Variants in RCC1 observed in about 807,000 individuals in gnomAD.
RCC1 encodes the protein regulator of chromosome condensation 1, also known as regulator of chromosome condensation.
Under a neutral mutation model 44.4 loss-of-function variants are expected in RCC1, and 11 were observed. The observed-to-expected ratio is 0.25, with a 90% CI of 0.16 to 0.41. RCC1 has a LOEUF of 0.41. Among genes scored for constraint, RCC1 ranks in the 10% least tolerant of loss-of-function variants. The pLI, the probability that RCC1 is intolerant of heterozygous loss-of-function variation, is 1.00. For synonymous variants in RCC1, 213 were observed against 216.5 expected (o/e 0.98, Z 0.14); for missense variants, 386 against 547.1 (o/e 0.71, Z 2.94).
At chr1:28,528,431 G>C (rs889919211) in intron 4 of RCC1, among the ~76,000 whole-genome samples, 1 of 152,130 alleles carries the variant, frequency 6.6e-6, no homozygotes, top group African/African-American at 2.4e-5. Context: ...CTCTAGCCTG[G>C]GTGACAGAAC....
At chr1:28,521,121 A>G (rs777670994) in intron 4 of RCC1, among the ~76,000 whole-genome samples, 8 of 152,074 alleles carry the variant, frequency 5.3e-5, no homozygotes, top group East Asian at 1.9e-4. Flanking sequence ...ACACACCCAG[A>G]GCAGTGAGAG....
chr1:28,524,463 G>A (rs1243041167), intron 4 of RCC1, among the ~76,000 whole-genome samples: 1 of 152,210 alleles, frequency 6.6e-6, no homozygotes, highest in Non-Finnish European at 1.5e-5. Flanking sequence ...GGAAGCTGAG[G>A]TGGGAAGATC....
At chr1:28,512,550 T>A (rs1466708744) in intron 3 of RCC1, among the ~76,000 whole-genome samples, 1 of 152,166 alleles carries the variant, frequency 6.6e-6, no homozygotes, top group Non-Finnish European at 1.5e-5. Context: ...TGGGGTTAGT[T>A]TGCTCATCTA....
chr1:28,533,294 A>AC (rs1309760550), intron 7 of RCC1, among the ~76,000 whole-genome samples: 5 of 150,302 alleles, frequency 3.3e-5, no homozygotes, highest in African/African-American at 9.8e-5. Flanking sequence ...ACATGGTGAA[A>AC]CCCCGTCTCT....
intron 4 of RCC1, among the ~76,000 whole-genome samples, chr1:28,525,829 G>T (rs1174277849): frequency 6.6e-6 from 1 of 152,136 alleles, no homozygotes; most frequent in Non-Finnish European, 1.5e-5. Context: ...GGAGGGGAGA[G>T]CTAGAGAGGC....
chr1:28,537,019 G>T, intron 12 of RCC1, 120 bp downstream of exon 12: 3 of 1,067,706 alleles, frequency 2.8e-6, no homozygotes, highest in East Asian at 2.4e-5. Flanking sequence ...AGCAGTGTTT[G>T]TGATGGCACT....
In RCC1 at chr1:28,536,973, T is replaced by C; in HGVS notation, c.1090+74T>C. On this transcript the variant is annotated intron_variant, in intron 12 of 12. Coordinates refer to ENST00000683442, the MANE Select transcript of RCC1 (RefSeq NM_001381865.2). This position sits in a 1 kb window ranked among gnomAD's most constrained non-coding sequence, Gnocchi z 4.9. ...GTTCTTACCCAATTCCCCAATAGGC[T>C]GTGATGTCCACTCTCGGGGGAGCCG... 6.5e-7 allele frequency: 1 copy of C among 1,533,216 alleles called. No individual in the cohort carries two copies. Among genetic ancestry groups the C allele is most frequent in the Non-Finnish European group, 9.0e-7 (1 of 1,116,798 alleles). The allele number at this position is 1,533,216 out of a possible 1,614,324, so 95.0% of individuals were successfully genotyped here. A position where few individuals can be genotyped will look rare whatever the true frequency, so the allele number is the denominator to read the frequency against.
chr1:28,514,334 C>A (rs1271037091), intron 3 of RCC1, among the ~76,000 whole-genome samples: 1 of 151,874 alleles, frequency 6.6e-6, no homozygotes, highest in Non-Finnish European at 1.5e-5. Context: ...CCTGTAGTCC[C>A]AGCTACTAGG....
Position 28,535,937 on chromosome 1 carries a change from A to G in RCC1, c.728A>G (p.Gln243Arg), listed in dbSNP as rs778947710. The G allele has an allele frequency of 1.2e-6, 2 of 1,614,014 alleles. No individual in the cohort carries two copies. The highest frequency in any genetic ancestry group is 1.7e-6 in the Non-Finnish European group (2 of 1,180,014). The part of the protein sequence containing the change: ...SRGSRGHVRF[Q>R]DAFCGAYFTF... ...GGAAGCCGGGGCCACGTGAGATTCCAGGATGCCTTTTGTGGTGCCTATTTC... is the reference window on the plus strand; with the variant it reads ...GGAAGCCGGGGCCACGTGAGATTCCGGGATGCCTTTTGTGGTGCCTATTTC... Residue 243 changes from glutamine to arginine, a missense_variant, in exon 10 of 13, where the codon CAG (glutamine) becomes CGG (arginine). Physicochemically the swap from Gln to Arg is conservative, Grantham distance 43. Coordinates refer to ENST00000683442, the MANE Select transcript of RCC1 (RefSeq NM_001381865.2).
At chr1:28,512,888 G>A (rs1662648252) in intron 3 of RCC1, among the ~76,000 whole-genome samples, 1 of 151,906 alleles carries the variant, frequency 6.6e-6, no homozygotes, top group Non-Finnish European at 1.5e-5. Flanking sequence ...TCCGCCTCCT[G>A]GGTTCACACC....
intron 4 of RCC1, among the ~76,000 whole-genome samples, chr1:28,529,040 T>A (rs923955468): frequency 1.2e-4 from 17 of 146,972 alleles, no homozygotes; most frequent in African/African-American, 2.7e-4. Flanking sequence ...TTTTTGTATT[T>A]TTTTTTTTTT....
Position 28,508,174 on chromosome 1 carries a change from CTAA to C in RCC1, c.-229+16_-229+18del, listed in dbSNP as rs1447360755. 3 of 441,070 alleles carry C rather than the reference CTAA, an allele frequency of 6.8e-6. No individual in the cohort carries two copies. The highest frequency in any genetic ancestry group is 1.4e-5 in the Non-Finnish European group (3 of 216,280). The allele number at this position is 441,070 out of a possible 1,614,324, so 27.3% of individuals were successfully genotyped here. A position where few individuals can be genotyped will look rare whatever the true frequency, so the allele number is the denominator to read the frequency against. On this transcript the variant is annotated intron_variant, in intron 2 of 12. Coordinates refer to ENST00000683442, the MANE Select transcript of RCC1 (RefSeq NM_001381865.2). The stretch of plus-strand genomic sequence containing the variant: ...AACTCTTATTTGGTGAGTAAATCTG[CTAA>C]TTGTTTTTTGCTTATCAGCTCTTTG...
At chr1:28,526,490 A>G in intron 4 of RCC1, 2 of 575,322 alleles carry the variant, frequency 3.5e-6, no homozygotes, top group Non-Finnish European at 6.6e-6. Context: ...TCCAGGCAAG[A>G]CGGCTAAAGT....
At chr1:28,525,308 C>G (rs1015223360) in intron 4 of RCC1, among the ~76,000 whole-genome samples, 2 of 152,156 alleles carry the variant, frequency 1.3e-5, no homozygotes, top group African/African-American at 4.8e-5. Context: ...GATTTCATTT[C>G]TGCCTTTTAG....
At chr1:28,508,651 T>A (rs1271564461) in intron 2 of RCC1, 179 bp from the exon 3 acceptor site, 1 of 518,996 alleles carries the variant, frequency 1.9e-6, no homozygotes. Context: ...TACAGTCCCT[T>A]TCCACAACGT....
chr1:28,529,832 A>C, intron 4 of RCC1, 26 bp from the exon 5 acceptor site: 3 of 1,579,482 alleles, frequency 1.9e-6, no homozygotes, highest in Non-Finnish European at 2.6e-6. Context: ...GCCATTTCTC[A>C]TATGTAGTAT....
intron 5 of RCC1, 58 bp downstream of exon 5, chr1:28,529,997 C>A: frequency 7.5e-7 from 1 of 1,327,776 alleles, no homozygotes. Context: ...CCTAAGAACC[C>A]GGGACTGGGC....
intron 4 of RCC1, among the ~76,000 whole-genome samples, chr1:28,521,010 C>T (rs1392938553): frequency 4.0e-5 from 6 of 151,778 alleles, no homozygotes; most frequent in South Asian, 2.1e-4. Flanking sequence ...ACCTGGGAGG[C>T]GGAGGTTGCA....
chr1:28,526,963 G>C (rs1663705928), intron 4 of RCC1: 1 of 861,350 alleles, frequency 1.2e-6, no homozygotes, highest in Non-Finnish European at 2.0e-6. Flanking sequence ...TCCCCTCAAA[G>C]TCATCAAGGC....
Sources: allele counts gnomAD v4.1 joint callset (sites outside exome capture counted in the v4.1 genomes callset), GRCh38; gene constraint gnomAD v4.1.1; non-coding constraint Gnocchi (gnomAD v3.1); transcripts MANE v1.5; gene names NCBI Gene and HGNC (gene_info 2026-07-23, HGNC 2026-07-21).